The following MBTPS1 variants were observed in gnomAD, a reference collection of about 807,000 sequenced individuals.
The protein encoded by MBTPS1 is membrane bound transcription factor peptidase, site 1, also known as membrane-bound transcription factor site-1 protease.
A neutral mutation model predicts 127.8 loss-of-function variants in MBTPS1; 94 were observed. The ratio of observed to expected loss-of-function variants is 0.74; its 90% confidence interval spans 0.62 to 0.87. MBTPS1 has a LOEUF of 0.87. Ranked by LOEUF, MBTPS1 falls within the 40% of genes least tolerant of loss-of-function variation. MBTPS1 has a pLI of 0.00. For synonymous variants in MBTPS1, 632 were observed against 509.4 expected (o/e 1.24, Z -3.24); for missense variants, 1,636 against 1,353.2 (o/e 1.21, Z -3.28).
At position 84,113,884 on chromosome 16, in the gene MBTPS1, A is replaced by G. The variant is rs140076403; in HGVS notation, c.-325+2851T>C. On this transcript the variant is annotated intron_variant, in intron 1 of 22. Transcript: ENST00000343411. ...CAGAACTAATTGCATACTTGGCTAT[A>G]TTACCATTGTTTAACAGGCTAACAA... 6.8e-4 allele frequency among the ~76,000 whole-genome samples: 103 copies of G among 152,002 alleles called. 1 individual carries two copies. The South Asian group carries it at 0.012, about 18-fold the overall frequency.
At chr16:84,081,195 T>TTC (rs1170439987) in intron 11 of MBTPS1, among the ~76,000 whole-genome samples, 1 of 152,076 alleles carries the variant, frequency 6.6e-6, no homozygotes, top group African/African-American at 2.4e-5. Flanking sequence ...GACTCAGGGG[T>TTC]TCTCATGAAC....
chr16:84,093,696 G>C lies in MBTPS1; in HGVS notation c.736+15C>G. 1 of 1,571,210 alleles carries C rather than the reference G, an allele frequency of 6.4e-7. No homozygotes were observed. The highest frequency in any genetic ancestry group is 8.8e-7 in the Non-Finnish European group (1 of 1,141,074). ...TCGATCACATGACCACGTTCTCACT[G>C]CTGCTGAGACCCACCATCGTCCAGC... On this transcript the variant is annotated intron_variant, in intron 5 of 22. Coordinates refer to ENST00000343411, the MANE Select transcript of MBTPS1 (RefSeq NM_003791.4).
At position 84,054,330 on chromosome 16, in the gene MBTPS1, A is replaced by G. The variant is rs1439273533; in HGVS notation, c.*119T>C. On this transcript the variant is annotated 3_prime_UTR_variant, in exon 23 of 23. Transcript: ENST00000343411. Reference sequence around the variant, plus strand: ...GGCAGGCCCATGTAGAACAGACTCTAACAAACCTGCAGCTGGAAACTGGAT... The same window carrying G: ...GGCAGGCCCATGTAGAACAGACTCTGACAAACCTGCAGCTGGAAACTGGAT... 7.7e-6 allele frequency: 7 copies of G among 909,250 alleles called. No homozygotes were observed. The highest frequency in any genetic ancestry group is 1.6e-6 in the Non-Finnish European group (1 of 625,398). 56.3% of individuals were successfully genotyped at this position (909,250 alleles called of 1,614,324 possible). A position where few individuals can be genotyped will look rare whatever the true frequency, so the allele number is the denominator to read the frequency against.
At chr16:84,054,716 G>T in intron 22 of MBTPS1, 71 bp from the exon 23 acceptor site, 1 of 1,220,322 alleles carries the variant, frequency 8.2e-7, no homozygotes, top group Non-Finnish European at 1.1e-6. Flanking sequence ...TTCTATGACG[G>T]CTGGATTCAT....
At chr16:84,091,457 G>A (rs539355039) in intron 7 of MBTPS1, among the ~76,000 whole-genome samples, 2 of 132,434 alleles carry the variant, frequency 1.5e-5, no homozygotes, top group Non-Finnish European at 3.1e-5. Context: ...TTGTACTCCA[G>A]CCTGGCCAAC....
At chr16:84,102,994 A>T (rs747811973) in intron 1 of MBTPS1, among the ~76,000 whole-genome samples, 4 of 152,222 alleles carry the variant, frequency 2.6e-5, no homozygotes, top group Non-Finnish European at 5.9e-5. Context: ...TGTGAGGGAA[A>T]CTACTGCTAA....
At position 84,093,261 on chromosome 16, in the gene MBTPS1, G is replaced by A. The variant is rs776443729; in HGVS notation, c.773C>T (p.Ala258Val). 3.1e-6 allele frequency: 5 copies of A among 1,613,884 alleles called. No individual in the cohort carries two copies. The highest frequency in any genetic ancestry group is 3.4e-6 in the Non-Finnish European group (4 of 1,179,792). Residue 258 changes from alanine (A) to valine (V), a missense_variant, in exon 6 of 23, where the codon GCC becomes GTC. Ala to Val is a moderately conservative substitution (Grantham distance 64). Coordinates refer to ENST00000343411, the MANE Select transcript of MBTPS1 (RefSeq NM_003791.4). ...GHGTFVAGVI[A>V]SMRECQGFAP... ...AAATCCTTGGCACTCCCTCATGCTGGCTATCACACCTGCCACGAATGTGCC... is the reference window on the plus strand; with the variant it reads ...AAATCCTTGGCACTCCCTCATGCTGACTATCACACCTGCCACGAATGTGCC...
chr16:84,060,779 G>A lies in MBTPS1; in HGVS notation c.2607C>T (p.Tyr869=). 6.2e-7 allele frequency: 1 copy of A among 1,601,286 alleles called. No homozygotes were observed. Among genetic ancestry groups the A allele is most frequent in the African/African-American group, 1.3e-5 (1 of 74,830 alleles). The change falls in exon 20 of 23, where the codon TAC becomes TAT. Residue 869 remains tyrosine (Y), a synonymous_variant. Coordinates refer to ENST00000343411, the MANE Select transcript of MBTPS1 (RefSeq NM_003791.4). The stretch of plus-strand genomic sequence containing the variant: ...TAGGCGGTGTCACCCCATACGATGT[G>A]TACTGGAGGAGGGCATCCAGAAGCC... The part of the protein sequence containing the change: ...CFWLLDALLQ[Y]TSYGVTPPSL...
At chr16:84,098,673 G>C (rs1374367491) in intron 3 of MBTPS1, among the ~76,000 whole-genome samples, 1 of 152,082 alleles carries the variant, frequency 6.6e-6, no homozygotes, top group Admixed American at 6.6e-5. Flanking sequence ...CGAAATGCAA[G>C]GAAGAAGCAG....
intron 6 of MBTPS1, 102 bp downstream of exon 6, chr16:84,093,086 C>G (rs747396569): frequency 1.2e-4 from 98 of 809,498 alleles, no homozygotes; most frequent in Non-Finnish European, 1.9e-4. Context: ...CTCAGCGTCA[C>G]TGACGTGCAC....
intron 12 of MBTPS1, among the ~76,000 whole-genome samples, chr16:84,071,176 G>A (rs922717340): frequency 5.9e-5 from 9 of 152,320 alleles, no homozygotes; most frequent in Non-Finnish European, 1.0e-4. Context: ...ATTGAAAGCA[G>A]TAACATGACA....
intron 12 of MBTPS1, among the ~76,000 whole-genome samples, 198 bp from the exon 13 acceptor site, chr16:84,070,974 A>T (rs1374663954): frequency 6.6e-6 from 1 of 152,248 alleles, no homozygotes; most frequent in Non-Finnish European, 1.5e-5. Context: ...TATCACTAGA[A>T]AAGTCTAGAA....
Position 84,091,794 on chromosome 16 carries a change from T to A in MBTPS1, c.901A>T (p.Ile301Phe), listed in dbSNP as rs747151501. Reference sequence around the variant, plus strand: ...CCGATGCTGAGGTTTAACACGTCGATCTTCTTTAAAATGGCATAGTTGAAG... The same window carrying A: ...CCGATGCTGAGGTTTAACACGTCGAACTTCTTTAAAATGGCATAGTTGAAG... ...DAFNYAILKK[I>F]DVLNLSIGGP... The change falls in exon 7 of 23, where the codon ATC (isoleucine) becomes TTC (phenylalanine). Residue 301 changes from isoleucine to phenylalanine, a missense_variant. By Grantham distance (21) the Ile-to-Phe change is conservative (BLOSUM62 0). Coordinates refer to ENST00000343411, the MANE Select transcript of MBTPS1 (RefSeq NM_003791.4). 6 of 1,614,194 alleles carry A rather than the reference T, an allele frequency of 3.7e-6. No homozygotes were observed. Among genetic ancestry groups the A allele is most frequent in the Middle Eastern group, 3.3e-4 (2 of 6,062 alleles).
intron 1 of MBTPS1, chr16:84,110,800 G>C (rs2086386870): frequency 6.6e-6 from 1 of 152,192 alleles, no homozygotes; most frequent in Admixed American, 6.5e-5. Flanking sequence ...TTCAGAGGCA[G>C]GTCGCCTGCT....
In MBTPS1 at chr16:84,063,439, T is replaced by C; in HGVS notation, c.2438A>G (p.Glu813Gly). ...ITQTFKDQGL[E>G]VLKQETAVVE... ...AACTGCTGTTTCCTGCTTTAAAACC[T>C]CCAATCCTGAAACAACACAACAAAA... Residue 813 changes from glutamate to glycine, a missense_variant, in exon 19 of 23, where the codon GAG becomes GGG. By Grantham distance (98) the Glu-to-Gly change is moderately conservative. Coordinates refer to ENST00000343411, the MANE Select transcript of MBTPS1 (RefSeq NM_003791.4). 1 of 1,613,744 alleles carries C rather than the reference T, an allele frequency of 6.2e-7. No individual in the cohort carries two copies. Among genetic ancestry groups the C allele is most frequent in the South Asian group, 1.1e-5 (1 of 91,064 alleles).
At chr16:84,081,930 G>T in intron 10 of MBTPS1, 22 bp from the exon 11 acceptor site, 1 of 1,352,132 alleles carries the variant, frequency 7.4e-7, no homozygotes. Context: ...ATCAAGAATT[G>T]CCTATTTTCT....
At chr16:84,088,609 T>C (rs773455321) in intron 8 of MBTPS1, among the ~76,000 whole-genome samples, 2 of 152,058 alleles carry the variant, frequency 1.3e-5, no homozygotes, top group Non-Finnish European at 2.9e-5. Flanking sequence ...CATCAAGAAA[T>C]CATTGCTGGT....
intron 2 of MBTPS1, among the ~76,000 whole-genome samples, chr16:84,101,063 G>A (rs1327525289): frequency 6.6e-6 from 1 of 151,702 alleles, no homozygotes; most frequent in African/African-American, 2.4e-5. Flanking sequence ...CACTCTGGGA[G>A]GCCAAGGCAG....
intron 15 of MBTPS1, 115 bp from the exon 16 acceptor site, chr16:84,067,938 G>C (rs1318637071): frequency 1.0e-5 from 10 of 977,800 alleles, no homozygotes; most frequent in South Asian, 4.9e-5. Flanking sequence ...TAACAGTCTG[G>C]TTTGTGCCAC....
Sources: allele counts gnomAD v4.1 joint callset (sites outside exome capture counted in the v4.1 genomes callset), GRCh38; gene constraint gnomAD v4.1.1; transcripts MANE v1.5; gene names NCBI Gene and HGNC (gene_info 2026-07-23, HGNC 2026-07-21).